Variants in COL19A1 observed in about 807,000 individuals in gnomAD.
COL19A1 encodes the protein collagen type XIX alpha 1 chain, also known as collagen alpha-1(XIX) chain.
In COL19A1, 159 loss-of-function variants were observed where a neutral mutation model predicts 190.2. The ratio of observed to expected loss-of-function variants is 0.84; its 90% CI spans 0.73 to 0.95. COL19A1 has a LOEUF of 0.95. COL19A1 is among the 40% of genes least tolerant of loss of function. The pLI, the probability that COL19A1 is intolerant of heterozygous loss-of-function variation, is 0.00. For missense variants in COL19A1, 1,418 were observed against 1,431.9 expected (o/e 0.99, Z 0.16); for synonymous variants, 509 against 458.9 (o/e 1.11, Z -1.39).
chr6:69,946,474 A>T (rs905215047), intron 9 of COL19A1, among the ~76,000 whole-genome samples: 19 of 152,102 alleles, frequency 1.2e-4, no homozygotes, highest in African/African-American at 4.3e-4. Context: ...GCTGAATTAC[A>T]TATTTCTGTG....
Position 70,152,056 on chromosome 6 carries a change from A to T in COL19A1, c.2079+618A>T, listed in dbSNP as rs77770509. Among the ~76,000 whole-genome samples, 1,205 of 150,798 alleles carry T rather than the reference A, an allele frequency of 8.0e-3. 22 individuals carry two copies. The highest frequency in any genetic ancestry group is 0.028 in the African/African-American group (1,137 of 41,012). ...TATCTCTAACACTTCCCTGTATTTT[A>T]TCAGTAAAACAGGTAGGGGGGGATG... On this transcript the variant is annotated intron_variant, in intron 31 of 50. Coordinates refer to ENST00000620364, the MANE Select transcript of COL19A1 (RefSeq NM_001858.6).
chr6:70,023,530 C>A, intron 11 of COL19A1, 97 bp from the exon 12 acceptor site: 1 of 936,628 alleles, frequency 1.1e-6, no homozygotes, highest in South Asian at 1.7e-5. Context: ...GCAAAGTAAT[C>A]ATATTGTTAT....
At chr6:70,131,237 G>A in intron 18 of COL19A1, 1 of 241,486 alleles carries the variant, frequency 4.1e-6, no homozygotes, top group Non-Finnish European at 8.6e-6. Context: ...GAGGGAATGT[G>A]GCCTGTGAGT....
Position 70,207,364 on chromosome 6 carries a change from CTTTTTTTTTTTTTTT to C in COL19A1, c.*99_*113del. ...TCAAACCCTCATCATCTGTGGGTTG[CTTTTTTTTTTTTTTT>C]TTTTTTTTGGGAGTAAGCCAGGCAT... On this transcript the variant is annotated 3_prime_UTR_variant, in exon 51 of 51. Coordinates refer to ENST00000620364, the MANE Select transcript of COL19A1 (RefSeq NM_001858.6). 5.7e-6 allele frequency: 1 copy of C among 176,752 alleles called. No homozygotes were observed. Among genetic ancestry groups the C allele is most frequent in the Non-Finnish European group, 8.6e-6 (1 of 116,378 alleles). The allele number at this position is 176,752 out of a possible 1,614,324, so 10.9% of individuals were successfully genotyped here. A position where few individuals can be genotyped will look rare whatever the true frequency, so the allele number is the denominator to read the frequency against.
At chr6:69,999,951 G>A (rs1377066821) in intron 11 of COL19A1, among the ~76,000 whole-genome samples, 1 of 151,960 alleles carries the variant, frequency 6.6e-6, no homozygotes, top group East Asian at 1.9e-4. Flanking sequence ...TTGTTACATA[G>A]GTATACGTGT....
chr6:69,917,967 A>G (rs1281613927), intron 4 of COL19A1, among the ~76,000 whole-genome samples: 4 of 152,156 alleles, frequency 2.6e-5, no homozygotes, highest in Non-Finnish European at 5.9e-5. Context: ...GACCTCTGGG[A>G]AAGACTGTCC....
At chr6:69,902,236 G>A (rs1244126641) in intron 4 of COL19A1, among the ~76,000 whole-genome samples, 1 of 152,324 alleles carries the variant, frequency 6.6e-6, no homozygotes, top group South Asian at 2.1e-4. Flanking sequence ...CTGGAGTAAA[G>A]TTGTAGCTAT....
intron 4 of COL19A1, among the ~76,000 whole-genome samples, chr6:69,904,765 G>C (rs1164393937): frequency 6.6e-6 from 1 of 152,182 alleles, no homozygotes; most frequent in Non-Finnish European, 1.5e-5. Flanking sequence ...GTTCCAGGCT[G>C]TTTATCTGGG....
At chr6:70,133,434 A>G (rs1785645310) in intron 18 of COL19A1, among the ~76,000 whole-genome samples, 1 of 152,210 alleles carries the variant, frequency 6.6e-6, no homozygotes, top group Non-Finnish European at 1.5e-5. Context: ...CATGGAGACC[A>G]TCCACATGAC....
At chr6:70,179,912 T>C (rs1022752094) in intron 42 of COL19A1, among the ~76,000 whole-genome samples, 8 of 152,122 alleles carry the variant, frequency 5.3e-5, no homozygotes, top group Non-Finnish European at 8.8e-5. Flanking sequence ...AGATGGAGTC[T>C]CACTCCGTCA....
At chr6:69,874,149 G>A (rs573280567) in intron 1 of COL19A1, among the ~76,000 whole-genome samples, 1 of 152,296 alleles carries the variant, frequency 6.6e-6, no homozygotes, top group African/African-American at 2.4e-5. Flanking sequence ...TACCAGAGAT[G>A]TGTTCAGAGC....
chr6:70,022,382 G>GA (rs1222124518), intron 11 of COL19A1, among the ~76,000 whole-genome samples: 2 of 151,968 alleles, frequency 1.3e-5, no homozygotes, highest in Admixed American at 6.6e-5. Context: ...TAAAGTGAAG[G>GA]AAAAAAATCA....
At chr6:70,123,557 C>A in intron 17 of COL19A1, among the ~76,000 whole-genome samples, 1 of 133,884 alleles carries the variant, frequency 7.5e-6, no homozygotes, top group Non-Finnish European at 1.6e-5. Flanking sequence ...TGGAACCAAC[C>A]CAAATGTCCA....
At chr6:70,164,605 G>A (rs546036468) in intron 36 of COL19A1, among the ~76,000 whole-genome samples, 1 of 152,218 alleles carries the variant, frequency 6.6e-6, no homozygotes, top group Non-Finnish European at 1.5e-5. Flanking sequence ...TCATAGACTT[G>A]CCTTTGAAGT....
At chr6:70,151,633 T>G (rs891508087) in intron 31 of COL19A1, among the ~76,000 whole-genome samples, 195 bp downstream of exon 31, 6 of 152,142 alleles carry the variant, frequency 3.9e-5, no homozygotes, top group Non-Finnish European at 7.4e-5. Context: ...TTTCACTCTC[T>G]TCTTCTTTAC....
At chr6:70,091,167 T>C (rs781109616) in intron 15 of COL19A1, among the ~76,000 whole-genome samples, 1 of 152,156 alleles carries the variant, frequency 6.6e-6, no homozygotes, top group African/African-American at 2.4e-5. Flanking sequence ...CTAGTGGTAA[T>C]GGTCAGAGAT....
intron 19 of COL19A1, among the ~76,000 whole-genome samples, chr6:70,138,108 C>T (rs1406527085): frequency 6.6e-6 from 1 of 152,138 alleles, no homozygotes; most frequent in African/African-American, 2.4e-5. Flanking sequence ...TCACAAAGCT[C>T]CTCTGGTATA....
At chr6:69,960,663 T>C (rs1157522453) in intron 10 of COL19A1, among the ~76,000 whole-genome samples, 1 of 142,736 alleles carries the variant, frequency 7.0e-6, no homozygotes, top group Non-Finnish European at 1.5e-5. Flanking sequence ...GGAGTCTCGC[T>C]CTGTCTCCCA....
intron 14 of COL19A1, among the ~76,000 whole-genome samples, chr6:70,044,134 C>T (rs1779780714): frequency 6.6e-6 from 1 of 152,196 alleles, no homozygotes; most frequent in Non-Finnish European, 1.5e-5. Context: ...AACTTTTCTT[C>T]TGCAGCTTCC....
Sources: allele counts gnomAD v4.1 joint callset (sites outside exome capture counted in the v4.1 genomes callset), GRCh38; gene constraint gnomAD v4.1.1; transcripts MANE v1.5; gene names NCBI Gene and HGNC (gene_info 2026-07-23, HGNC 2026-07-21).